The following LYST variants were observed in gnomAD, a reference collection of about 807,000 sequenced individuals.
LYST encodes lysosomal-trafficking regulator.
In LYST, 192 loss-of-function variants were observed where a neutral mutation model predicts 413.6. The observed-to-expected ratio is 0.46, with a 90% CI of 0.41 to 0.52. The LOEUF is 0.52. LYST is among the 20% of genes least tolerant of loss of function. The pLI is 0.00. For synonymous variants in LYST, 1,525 were observed against 1,567.3 expected, an observed-to-expected ratio of 0.97 and a Z score of 0.64; for missense variants, 3,815 against 4,499.9, an observed-to-expected ratio of 0.85 and a Z score of 4.35.
Position 235,810,257 on chromosome 1 carries a change from C to T in LYST, c.561G>A (p.Leu187=), listed in dbSNP as rs200884373. 1.2e-6 allele frequency: 2 copies of T among 1,614,126 alleles called. No individual in the cohort carries two copies. Among genetic ancestry groups the T allele is most frequent in the East Asian group, 4.5e-5 (2 of 44,878 alleles). The change falls in exon 5 of 53, where the codon CTG becomes CTA. Residue 187 remains leucine, a synonymous_variant. Transcript: ENST00000389793. ...IAMNKHRRPH[L]LHHFLTSFPK... ...GAAACGATGTTAAAAAATGATGCAG[C>T]AGATGGGGCCTTCTATGCTTATTCA...
At chr1:235,681,830 T>A (rs1659837736) in intron 48 of LYST, among the ~76,000 whole-genome samples, 1 of 152,218 alleles carries the variant, frequency 6.6e-6, no homozygotes, top group South Asian at 2.1e-4. Context: ...TTTCCTCATT[T>A]TTTTTCTTTA....
At position 235,766,175 on chromosome 1, in the gene LYST, A is replaced by G; in HGVS notation, c.6025T>C (p.Leu2009=). The stretch of plus-strand genomic sequence containing the variant: ...AAAAGGAAATTGAAGATAATTGTCA[A>G]TAATTCCAAATCTGGAGGAGATCCA... ...VLGSPPDLEL[L]TIIFNFLLAV... is the part of the protein sequence containing the mutation. Residue 2009 remains leucine, a synonymous_variant, in exon 21 of 53, where the codon TTG becomes CTG. Coordinates refer to ENST00000389793, the MANE Select transcript of LYST (RefSeq NM_000081.4). The G allele has an allele frequency of 6.2e-7, 1 of 1,613,342 alleles. No individual in the cohort carries two copies. The highest frequency in any genetic ancestry group is 8.5e-7 in the Non-Finnish European group (1 of 1,179,336).
intron 1 of LYST, among the ~76,000 whole-genome samples, chr1:235,871,997 A>G (rs545566277): frequency 2.0e-5 from 3 of 152,278 alleles, no homozygotes; most frequent in African/African-American, 7.2e-5. Flanking sequence ...ATTTAATCAG[A>G]GTTTTACGTA....
At position 235,863,234 on chromosome 1, in the gene LYST, C is replaced by T. The variant is rs1476819607; in HGVS notation, c.-98+3609G>A. On this transcript the variant is annotated intron_variant, in intron 1 of 52. Coordinates refer to ENST00000389793, the MANE Select transcript of LYST (RefSeq NM_000081.4). ...AGTGAAACCCCATCTCTGCTAAAAA[C>T]ACAAAAAATCAGCCGGGTGTGGTGG... Among the ~76,000 whole-genome samples the T allele has an allele frequency of 2.0e-5, 3 of 151,562 alleles. No individual in the cohort carries two copies. In the East Asian group the frequency reaches 5.9e-4, roughly 30 times the overall value.
At chr1:235,879,501 T>A (rs1681282182) in intron 1 of LYST, among the ~76,000 whole-genome samples, 1 of 152,200 alleles carries the variant, frequency 6.6e-6, no homozygotes. Context: ...ACAACATGTG[T>A]GGAGGACACT....
intron 3 of LYST, among the ~76,000 whole-genome samples, chr1:235,813,392 T>C (rs11576887): frequency 0.11 from 16,309 of 152,176 alleles, 971 homozygotes; most frequent in Middle Eastern, 0.18. Flanking sequence ...AATGAAAAGT[T>C]AAGCCCTATT....
chr1:235,777,091 G>T lies in LYST; in HGVS notation c.5432C>A (p.Thr1811Asn), dbSNP rs1173296584. 3 of 1,613,348 alleles carry T rather than the reference G, an allele frequency of 1.9e-6. No individual in the cohort carries two copies. The Admixed American group carries it at 5.0e-5, about 27-fold the overall frequency. The change falls in exon 17 of 53, where the codon ACT (threonine) becomes AAT (asparagine). Residue 1811 changes from threonine (T) to asparagine (N), a missense_variant. Physicochemically the swap from Thr to Asn is moderately conservative, Grantham distance 65. Transcript: ENST00000389793. Reference sequence around the variant, plus strand: ...GGCAAAGAGAAAAACAAATATGCCAGTTCCACCAATTTCGTGCAGAATGCC... The same window carrying T: ...GGCAAAGAGAAAAACAAATATGCCATTTCCACCAATTTCGTGCAGAATGCC... ...IQGILHEIGG[T>N]GIFVFLFARV...
chr1:235,849,557 A>G (rs1009679713), intron 1 of LYST, among the ~76,000 whole-genome samples: 28 of 152,036 alleles, frequency 1.8e-4, no homozygotes, highest in Admixed American at 1.8e-3. Context: ...CATCCAAGTC[A>G]GTAAAGAGGA....
chr1:235,858,297 T>G (rs993355093), intron 1 of LYST, among the ~76,000 whole-genome samples: 9 of 152,198 alleles, frequency 5.9e-5, no homozygotes, highest in Non-Finnish European at 1.0e-4. Context: ...TGTAAAATGT[T>G]GATACTAATA....
intron 14 of LYST, among the ~76,000 whole-genome samples, chr1:235,783,294 G>GAA (rs2103485498): frequency 6.6e-6 from 1 of 151,800 alleles, no homozygotes; most frequent in East Asian, 1.9e-4. Context: ...TTTAATAAAG[G>GAA]AAAGATGTGG....
chr1:235,732,932 T>C (rs976959881), intron 34 of LYST, among the ~76,000 whole-genome samples: 1 of 152,214 alleles, frequency 6.6e-6, no homozygotes, highest in African/African-American at 2.4e-5. Context: ...TTAAAATCCA[T>C]TGATTTATTT....
rs1181987738 is a variant in LYST at position 235,751,210 on chromosome 1, C to T, written c.7780G>A (p.Gly2594Ser). ...ATTAAAATATGATTTCAATACTCGC[C>T]AGCAATGCTTTTCCGCTTTTGAACT... ...AVVQKRKSIA[G>S]PRKFPLAQTE... Residue 2594 changes from glycine to serine, a missense_variant and splice_region_variant, in exon 28 of 53, where the codon GGT (glycine) becomes AGT (serine). By Grantham distance (56) the Gly-to-Ser change is moderately conservative (BLOSUM62 0). Transcript: ENST00000389793. 6.2e-7 allele frequency: 1 copy of T among 1,613,386 alleles called. No homozygotes were observed. Among genetic ancestry groups the T allele is most frequent in the African/African-American group, 1.3e-5 (1 of 74,976 alleles).
intron 3 of LYST, among the ~76,000 whole-genome samples, chr1:235,816,913 A>AAAC (rs777818993): frequency 6.6e-6 from 1 of 152,240 alleles, no homozygotes; most frequent in African/African-American, 2.4e-5. Flanking sequence ...ACAGCAAAGG[A>AAAC]AACTATCAAC....
At chr1:235,784,215 T>G (rs1670176701) in intron 14 of LYST, among the ~76,000 whole-genome samples, 1 of 152,194 alleles carries the variant, frequency 6.6e-6, no homozygotes, top group African/African-American at 2.4e-5. Flanking sequence ...GTGACAAAGA[T>G]ACTAGAGAAC....
chr1:235,665,405 T>A (rs754580179), intron 50 of LYST, among the ~76,000 whole-genome samples: 236 of 151,328 alleles, frequency 1.6e-3, no homozygotes, highest in Non-Finnish European at 2.2e-3. Flanking sequence ...AAGTCAGGAG[T>A]TCGAGACCAG....
At chr1:235,822,203 G>A (rs1674821257) in intron 3 of LYST, among the ~76,000 whole-genome samples, 1 of 152,142 alleles carries the variant, frequency 6.6e-6, no homozygotes, top group Non-Finnish European at 1.5e-5. Context: ...TGTATATTAT[G>A]GGCTAATTGT....
intron 17 of LYST, among the ~76,000 whole-genome samples, chr1:235,775,361 T>A (rs1669127756): frequency 6.6e-6 from 1 of 152,218 alleles, no homozygotes; most frequent in Non-Finnish European, 1.5e-5. Flanking sequence ...TGAAGTGTCA[T>A]AAGTTTTTGA....
chr1:235,829,198 G>C (rs1675670380), intron 3 of LYST, among the ~76,000 whole-genome samples: 1 of 151,966 alleles, frequency 6.6e-6, no homozygotes, highest in Non-Finnish European at 1.5e-5. Flanking sequence ...GCGAGACTCT[G>C]TGTCTCAAAA....
intron 2 of LYST, among the ~76,000 whole-genome samples, chr1:235,831,642 T>C (rs1454886859): frequency 6.6e-6 from 1 of 152,158 alleles, no homozygotes; most frequent in Non-Finnish European, 1.5e-5. Context: ...TTGATTCCCA[T>C]CAAAATTCTA....
Sources: gnomAD v4.1 joint callset for allele counts (sites outside exome capture counted in the v4.1 genomes callset) on GRCh38, gnomAD v4.1.1 for gene constraint, MANE v1.5 for transcripts, NCBI Gene and HGNC (gene_info 2026-07-23, HGNC 2026-07-21) for gene names.